The following PARG variants were observed in gnomAD, a reference collection of about 807,000 sequenced individuals.
PARG encodes poly(ADP-ribose) glycohydrolase.
Under a neutral mutation model 113.0 loss-of-function variants are expected in PARG, and 35 were observed. The observed-to-expected ratio is 0.31, with a 90% CI of 0.24 to 0.41. The LOEUF (loss-of-function observed/expected upper bound fraction) is 0.41. Among genes scored for constraint, PARG ranks in the 10% least tolerant of loss-of-function variants. The pLI is 1.00. For synonymous variants in PARG, 330 were observed against 409.9 expected (o/e 0.81, Z 2.36); for missense variants, 797 against 1,169.4 (o/e 0.68, Z 4.64).
chr10:49,930,197 AG>A (rs1487660336), intron 4 of PARG, among the ~76,000 whole-genome samples: 5 of 151,844 alleles, frequency 3.3e-5, no homozygotes, highest in African/African-American at 1.2e-4. Context: ...TTGATTGTGC[AG>A]TTCTTTTTTA....
At chr10:49,838,128 T>A (rs899573740) in intron 15 of PARG, among the ~76,000 whole-genome samples, 14 of 152,270 alleles carry the variant, frequency 9.2e-5, no homozygotes, top group African/African-American at 3.1e-4. Context: ...GTGCAGGATT[T>A]ACATTTTTAA....
intron 16 of PARG, among the ~76,000 whole-genome samples, chr10:49,821,336 T>A (rs1366722244): frequency 2.6e-5 from 4 of 152,198 alleles, no homozygotes; most frequent in African/African-American, 9.7e-5. Flanking sequence ...ATAAATCTCT[T>A]ACTTCATAAA....
At chr10:49,941,101 C>G in intron 1 of PARG, among the ~76,000 whole-genome samples, 1 of 152,312 alleles carries the variant, frequency 6.6e-6, no homozygotes. Flanking sequence ...GGGTACAATG[C>G]CAGCTTAAAC....
chr10:49,920,239 G>C (rs1554848768), intron 6 of PARG, among the ~76,000 whole-genome samples: 2 of 151,440 alleles, frequency 1.3e-5, no homozygotes, highest in African/African-American at 4.8e-5. Context: ...CCAGGAGTTG[G>C]AGACCAGCCT....
At chr10:49,902,288 G>A (rs1848379743) in intron 7 of PARG, among the ~76,000 whole-genome samples, 1 of 152,158 alleles carries the variant, frequency 6.6e-6, no homozygotes, top group Non-Finnish European at 1.5e-5. Flanking sequence ...TTAAAAGAAG[G>A]ATGAAAATGG....
In PARG at chr10:49,941,505, G is replaced by C; in HGVS notation, c.217+4C>G. ...AGGACAAAGATTTTTATTTTCCCACGTACCAAGCGAGGTGGCGCTGCCTCT... is the reference window on the plus strand; with the variant it reads ...AGGACAAAGATTTTTATTTTCCCACCTACCAAGCGAGGTGGCGCTGCCTCT... On this transcript the variant is annotated splice_donor_region_variant and intron_variant, in intron 1 of 17. Coordinates refer to ENST00000616448, the MANE Select transcript of PARG (RefSeq NM_003631.5). The C allele has an allele frequency of 6.5e-7, 1 of 1,544,706 alleles. No individual in the cohort carries two copies. The highest frequency in any genetic ancestry group is 8.8e-7 in the Non-Finnish European group (1 of 1,141,046).
At chr10:49,892,003 T>C (rs1847829606) in intron 7 of PARG, among the ~76,000 whole-genome samples, 2 of 151,710 alleles carry the variant, frequency 1.3e-5, no homozygotes, top group Non-Finnish European at 2.9e-5. Context: ...TAAAAAAAAA[T>C]TTCCTGGCCG....
intron 16 of PARG, among the ~76,000 whole-genome samples, chr10:49,828,866 C>A (rs985411200): frequency 2.6e-5 from 4 of 152,076 alleles, no homozygotes; most frequent in African/African-American, 4.8e-5. Context: ...CACAATGAGA[C>A]CCTGTATCTT....
At chr10:49,900,893 C>A (rs1848320805) in intron 7 of PARG, among the ~76,000 whole-genome samples, 1 of 152,114 alleles carries the variant, frequency 6.6e-6, no homozygotes, top group Admixed American at 6.6e-5. Flanking sequence ...ACATTATTAT[C>A]CATCTTTATA....
At chr10:49,831,555 G>A (rs782728377) in intron 16 of PARG, among the ~76,000 whole-genome samples, 9 of 152,128 alleles carry the variant, frequency 5.9e-5, no homozygotes, top group Non-Finnish European at 1.0e-4. Context: ...TCAGGGGAGG[G>A]CAGAGACCGA....
At chr10:49,886,745 T>C (rs1588943776) in intron 7 of PARG, among the ~76,000 whole-genome samples, 2 of 152,282 alleles carry the variant, frequency 1.3e-5, no homozygotes, top group Admixed American at 1.3e-4. Flanking sequence ...GAAATGATGT[T>C]TGCATTCATG....
chr10:49,934,814 A>C, intron 2 of PARG, among the ~76,000 whole-genome samples: 1 of 150,678 alleles, frequency 6.6e-6, no homozygotes, highest in Non-Finnish European at 1.5e-5. Flanking sequence ...ACGCCACTAC[A>C]CTCCAGCCTG....
intron 7 of PARG, among the ~76,000 whole-genome samples, chr10:49,912,112 CA>C (rs1181733265): frequency 1.3e-5 from 2 of 151,722 alleles, no homozygotes; most frequent in African/African-American, 4.8e-5. Context: ...CCAGCCTGGC[CA>C]ATATAGTGAA....
chr10:49,929,931 G>GAGT (rs1361880792), intron 4 of PARG, among the ~76,000 whole-genome samples: 8 of 150,478 alleles, frequency 5.3e-5, no homozygotes, highest in Non-Finnish European at 8.9e-5. Context: ...TTGAAAGTAG[G>GAGT]AGTTAGGGAT....
intron 16 of PARG, among the ~76,000 whole-genome samples, chr10:49,823,406 T>G (rs1554829002): frequency 6.6e-6 from 1 of 152,160 alleles, no homozygotes; most frequent in East Asian, 1.9e-4. Context: ...ATAATATATG[T>G]AAGACCCTAA....
intron 7 of PARG, among the ~76,000 whole-genome samples, chr10:49,890,398 C>T (rs1192875759): frequency 1.3e-5 from 2 of 152,178 alleles, no homozygotes; most frequent in Admixed American, 1.3e-4. Context: ...TTGCCTATCT[C>T]CTTTCCTTAG....
At chr10:49,920,192 C>T (rs1837719013) in intron 6 of PARG, among the ~76,000 whole-genome samples, 1 of 151,582 alleles carries the variant, frequency 6.6e-6, no homozygotes, top group Non-Finnish European at 1.5e-5. Context: ...TCCCAGCCAG[C>T]ACCTTGGGAG....
At chr10:49,931,187 T>C (rs1388526542) in intron 4 of PARG, among the ~76,000 whole-genome samples, 11 of 152,110 alleles carry the variant, frequency 7.2e-5, no homozygotes, top group African/African-American at 2.4e-4. Context: ...AGTCTTTTGT[T>C]ATAATGTTAT....
Position 49,933,677 on chromosome 10 carries a change from C to T in PARG, c.771G>A (p.Val257=). The change falls in exon 3 of 18, where the codon GTG becomes GTA. Residue 257 remains valine, a synonymous_variant. Transcript: ENST00000616448. The part of the protein sequence containing the change: ...CASCQQDEID[V]VPESPLSDVG... ...CATCTGACAATGGACTCTCTGGCACCACATCTATCTCATCTTGCTGACAAC... is the reference window on the plus strand; with the variant it reads ...CATCTGACAATGGACTCTCTGGCACTACATCTATCTCATCTTGCTGACAAC... 4 of 1,610,646 alleles carry T rather than the reference C, an allele frequency of 2.5e-6. No homozygotes were observed. The highest frequency in any genetic ancestry group is 3.4e-6 in the Non-Finnish European group (4 of 1,176,920).
Sources: gnomAD v4.1 joint callset for allele counts (sites outside exome capture counted in the v4.1 genomes callset) on GRCh38, gnomAD v4.1.1 for gene constraint, MANE v1.5 for transcripts, NCBI Gene and HGNC (gene_info 2026-07-23, HGNC 2026-07-21) for gene names.